Variants in LRP1B observed in about 807,000 individuals in gnomAD.
The protein encoded by LRP1B is LDL receptor related protein 1B.
A neutral mutation model predicts 556.6 loss-of-function variants in LRP1B; 217 were observed. That is an observed-to-expected ratio of 0.39 (90% confidence interval 0.35 to 0.44). The LOEUF is 0.44. LRP1B is among the 20% of genes least tolerant of loss of function. The pLI, the probability that LRP1B is intolerant of heterozygous loss-of-function variation, is 1.00. For synonymous variants in LRP1B, 2,047 were observed against 1,865.8 expected, an observed-to-expected ratio of 1.10 and a Z score of -2.50; for missense variants, 5,053 against 5,620.8, an observed-to-expected ratio of 0.90 and a Z score of 3.23.
chr2:140,275,252 G>A (rs998665970), intron 84 of LRP1B, among the ~76,000 whole-genome samples: 2 of 152,008 alleles, frequency 1.3e-5, no homozygotes, highest in Admixed American at 6.6e-5. Context: ...CAGTCTACCT[G>A]CTCTTGTTAC....
At chr2:140,655,951 C>CAAAAAAAAAAAAAAA (rs1286848376) in intron 41 of LRP1B, among the ~76,000 whole-genome samples, 2 of 148,762 alleles carry the variant, frequency 1.3e-5, no homozygotes, top group Admixed American at 1.4e-4. Context: ...TCAAAAAAAA[C>CAAAAAAAAAAAAAAA]AAAAAAAGAA....
intron 7 of LRP1B, among the ~76,000 whole-genome samples, chr2:141,125,881 C>T (rs957650807): frequency 6.9e-6 from 1 of 143,906 alleles, no homozygotes; most frequent in Non-Finnish European, 1.5e-5. Context: ...TCCACTAAGC[C>T]TTTTAAAATT....
intron 66 of LRP1B, among the ~76,000 whole-genome samples, chr2:140,428,403 A>G (rs1309784286): frequency 6.6e-6 from 1 of 152,172 alleles, no homozygotes; most frequent in Admixed American, 6.5e-5. Context: ...CGCCTCCCCC[A>G]GGAGCTTGCT....
intron 3 of LRP1B, among the ~76,000 whole-genome samples, chr2:141,407,043 C>A (rs868696286): frequency 2.0e-5 from 3 of 152,122 alleles, no homozygotes; most frequent in African/African-American, 7.2e-5. Flanking sequence ...CAAAGTCCAA[C>A]AAAATTGATT....
At chr2:142,003,004 G>C (rs543582304) in intron 1 of LRP1B, among the ~76,000 whole-genome samples, 10 of 152,196 alleles carry the variant, frequency 6.6e-5, no homozygotes, top group Non-Finnish European at 1.2e-4. Flanking sequence ...TCTGTTGAAA[G>C]CAAGTGATAA....
intron 41 of LRP1B, among the ~76,000 whole-genome samples, chr2:140,657,805 C>T (rs1170391282): frequency 1.3e-5 from 2 of 151,652 alleles, no homozygotes; most frequent in Admixed American, 1.3e-4. Flanking sequence ...TTATCTCTTA[C>T]CATAATGTTA....
intron 56 of LRP1B, among the ~76,000 whole-genome samples, chr2:140,493,859 A>T (rs1027607263): frequency 6.6e-6 from 1 of 152,072 alleles, no homozygotes; most frequent in African/African-American, 2.4e-5. Flanking sequence ...CCCTTCTATC[A>T]TCCTTGATGG....
chr2:141,388,177 T>C (rs1041422738), intron 3 of LRP1B, among the ~76,000 whole-genome samples: 1 of 152,184 alleles, frequency 6.6e-6, no homozygotes, highest in Middle Eastern at 3.2e-3. Flanking sequence ...GGCTCACACC[T>C]GTAATCTCAG....
At chr2:141,328,492 T>G (rs867565682) in intron 3 of LRP1B, among the ~76,000 whole-genome samples, 1 of 152,184 alleles carries the variant, frequency 6.6e-6, no homozygotes, top group Non-Finnish European at 1.5e-5. Context: ...AAATTAGTGG[T>G]TTTAGGTTCC....
intron 2 of LRP1B, among the ~76,000 whole-genome samples, chr2:141,799,451 T>C (rs923901023): frequency 1.8e-4 from 27 of 152,100 alleles, no homozygotes; most frequent in African/African-American, 6.5e-4. Context: ...GACATGTAGA[T>C]TGCTTTTAAT....
At chr2:141,996,981 C>T (rs560534809) in intron 1 of LRP1B, among the ~76,000 whole-genome samples, 1 of 152,098 alleles carries the variant, frequency 6.6e-6, no homozygotes, top group Non-Finnish European at 1.5e-5. Context: ...TAGAGTTTAT[C>T]ACCTGTAGAA....
At position 140,398,768 on chromosome 2, in the gene LRP1B, C is replaced by A. The variant is rs182624231; in HGVS notation, c.10415-12759G>T. Among the ~76,000 whole-genome samples, 453 of 152,138 alleles carry A rather than the reference C, an allele frequency of 3.0e-3. 4 individuals carry two copies. The highest frequency in any genetic ancestry group is 0.011 in the African/African-American group (441 of 41,516). ...ATCTCTAATTGAATTCCAGGAAGAA[C>A]AAATTCTGAAACTGAAGAAAAATTT... On this transcript the variant is annotated intron_variant, in intron 66 of 90. Transcript: ENST00000389484.
At chr2:140,487,873 C>T (rs957570292) in intron 57 of LRP1B, 134 bp from the exon 58 acceptor site, 2 of 504,716 alleles carry the variant, frequency 4.0e-6, no homozygotes, top group East Asian at 7.0e-5. Flanking sequence ...TATTTGCTAC[C>T]AGTTCTCATT....
intron 41 of LRP1B, among the ~76,000 whole-genome samples, chr2:140,608,737 A>AAAC (rs906883664): frequency 5.9e-5 from 9 of 152,124 alleles, no homozygotes; most frequent in African/African-American, 1.2e-4. Context: ...GGTTTTCCCA[A>AAAC]AACAACAACA....
intron 66 of LRP1B, among the ~76,000 whole-genome samples, chr2:140,393,329 T>C (rs1309653125): frequency 1.3e-5 from 2 of 150,716 alleles, no homozygotes; most frequent in Non-Finnish European, 3.0e-5. Context: ...TGAAATTATA[T>C]ATTGTTTCAC....
chr2:140,314,616 A>G (rs1271460621), intron 83 of LRP1B, among the ~76,000 whole-genome samples: 3 of 152,098 alleles, frequency 2.0e-5, no homozygotes, highest in Non-Finnish European at 4.4e-5. Context: ...CAAAAACAAA[A>G]CATAAACTTT....
chr2:140,754,071 C>T (rs557716418), intron 35 of LRP1B, among the ~76,000 whole-genome samples: 1 of 152,250 alleles, frequency 6.6e-6, no homozygotes, highest in Non-Finnish European at 1.5e-5. Flanking sequence ...AGATTTTGCT[C>T]ACAGGTAGAA....
rs190965224 is a variant in LRP1B at position 141,370,976 on chromosome 2, A to C, written c.343+109420T>G. 8.9e-4 allele frequency among the ~76,000 whole-genome samples: 135 copies of C among 151,896 alleles called. 1 individual carries two copies. The highest frequency in any genetic ancestry group is 3.1e-3 in the African/African-American group (130 of 41,422). On this transcript the variant is annotated intron_variant, in intron 3 of 90. Transcript: ENST00000389484. ...CTTTGATTATATGGCTGTATTTCTG[A>C]GTTCTCTTTTCTTTTCTTTCTTTTG...
At chr2:141,076,644 G>A (rs539745470) in intron 7 of LRP1B, among the ~76,000 whole-genome samples, 1 of 152,264 alleles carries the variant, frequency 6.6e-6, no homozygotes, top group Non-Finnish European at 1.5e-5. Flanking sequence ...GTTATTTACT[G>A]TAACCTTATG....
Sources: allele counts gnomAD v4.1 joint callset (sites outside exome capture counted in the v4.1 genomes callset), GRCh38; gene constraint gnomAD v4.1.1; transcripts MANE v1.5; gene names NCBI Gene and HGNC (gene_info 2026-07-23, HGNC 2026-07-21).